The following DPP4 variants were observed in gnomAD, a reference collection of about 807,000 sequenced individuals.
The protein encoded by DPP4 is dipeptidyl peptidase 4, also known as ADCP-2.
Under a neutral mutation model 122.4 loss-of-function variants are expected in DPP4, and 93 were observed. The ratio of observed to expected loss-of-function variants is 0.76; its 90% CI spans 0.64 to 0.90. DPP4 has a LOEUF of 0.90. Ranked by LOEUF, DPP4 falls within the 40% of genes least tolerant of loss-of-function variation. The pLI is 0.00. For missense variants in DPP4, 914 were observed against 907.3 expected (o/e 1.01, Z -0.09); for synonymous variants, 321 against 302.9 (o/e 1.06, Z -0.62).
chr2:162,017,179 T>C (rs200437045), intron 16 of DPP4, 24 bp from the exon 17 acceptor site: 3 of 1,603,594 alleles, frequency 1.9e-6, no homozygotes, highest in South Asian at 2.2e-5. Context: ...GGGGGAAAAA[T>C]GTTTTGGATG....
At chr2:162,045,998 G>A (rs1422930087) in intron 4 of DPP4, among the ~76,000 whole-genome samples, 1 of 152,148 alleles carries the variant, frequency 6.6e-6, no homozygotes, top group Non-Finnish European at 1.5e-5. Context: ...CAGACAGAGT[G>A]GAAGGTGAGA....
At chr2:162,043,778 A>G (rs981905308) in intron 5 of DPP4, among the ~76,000 whole-genome samples, 13 of 152,214 alleles carry the variant, frequency 8.5e-5, no homozygotes, top group Non-Finnish European at 5.9e-5. Flanking sequence ...CTGTAATCCT[A>G]GCACTTGGGG....
rs773579455 is a variant in DPP4, at chr2:162,073,520, G to C, written c.7-34C>G. On this transcript the variant is annotated intron_variant, in intron 1 of 25. Coordinates refer to ENST00000360534, the MANE Select transcript of DPP4 (RefSeq NM_001935.4). Reference sequence around the variant, plus strand: ...CGAGCAGATCAAGTCCAATTAGAGGGAAGCGTGTGGCCCCAGTTTCCGTAG... The same window carrying C: ...CGAGCAGATCAAGTCCAATTAGAGGCAAGCGTGTGGCCCCAGTTTCCGTAG... The C allele has an allele frequency of 7.5e-6, 12 of 1,603,920 alleles. No individual in the cohort carries two copies. In the South Asian group the frequency reaches 7.7e-5, roughly 10 times the overall value.
In DPP4 at chr2:162,039,017, G is replaced by A. The variant is rs890894575; in HGVS notation, c.424C>T (p.Leu142=). 9.3e-6 allele frequency: 15 copies of A among 1,613,268 alleles called. No homozygotes were observed. Among genetic ancestry groups the A allele is most frequent in the South Asian group, 4.4e-5 (4 of 91,048 alleles). Residue 142 remains leucine (L), a synonymous_variant, in exon 7 of 26, where the codon CTG becomes TTG. Transcript: ENST00000360534. ...YDIYDLNKRQ[L]ITEERIPNNT... is the part of the protein sequence containing the mutation. The stretch of plus-strand genomic sequence containing the variant: ...TTTGGAATCCTCTCTTCTGTAATCA[G>A]CTGCCTGGAAAAAAGATGAAAGGAA...
chr2:162,021,784 A>G (rs1289614256), intron 12 of DPP4, among the ~76,000 whole-genome samples: 1 of 152,220 alleles, frequency 6.6e-6, no homozygotes, highest in African/African-American at 2.4e-5. Context: ...TACAGAGAGG[A>G]AAAAACATAT....
chr2:162,000,449 T>C (rs900697305), intron 23 of DPP4, among the ~76,000 whole-genome samples: 1 of 152,110 alleles, frequency 6.6e-6, no homozygotes, highest in African/African-American at 2.4e-5. Flanking sequence ...TCTTTAAAGA[T>C]CACACAGCAG....
intron 10 of DPP4, among the ~76,000 whole-genome samples, chr2:162,030,995 C>T (rs748964704): frequency 1.8e-4 from 27 of 152,274 alleles, no homozygotes; most frequent in Admixed American, 1.1e-3. Context: ...GCCTTGGAAA[C>T]GGATCTGTAA....
chr2:162,044,221 G>T (rs1684095300), intron 5 of DPP4, among the ~76,000 whole-genome samples: 2 of 152,186 alleles, frequency 1.3e-5, no homozygotes, highest in South Asian at 4.1e-4. Flanking sequence ...ATGTGTCAAA[G>T]TTGGTACAAG....
chr2:162,035,133 A>G (rs755259970), intron 9 of DPP4, 31 bp downstream of exon 9: 4 of 1,583,590 alleles, frequency 2.5e-6, no homozygotes, highest in Non-Finnish European at 3.4e-6. Flanking sequence ...CCATCAAATC[A>G]TGGAACCACT....
At chr2:162,053,559 G>T (rs1310111509) in intron 2 of DPP4, among the ~76,000 whole-genome samples, 2 of 152,220 alleles carry the variant, frequency 1.3e-5, no homozygotes, top group African/African-American at 4.8e-5. Flanking sequence ...TAGGGGAAAG[G>T]ACTATGTCAA....
At chr2:162,039,307 C>G in intron 5 of DPP4, 123 bp from the exon 6 acceptor site, 1 of 845,064 alleles carries the variant, frequency 1.2e-6, no homozygotes. Flanking sequence ...GTTATCATAT[C>G]TTATAATTTC....
At chr2:162,064,999 T>C (rs1320349170) in intron 2 of DPP4, among the ~76,000 whole-genome samples, 1 of 152,234 alleles carries the variant, frequency 6.6e-6, no homozygotes, top group Non-Finnish European at 1.5e-5. Context: ...TATGCCTACA[T>C]AGGCCGTCTC....
chr2:162,059,362 T>A (rs1684683480), intron 2 of DPP4, among the ~76,000 whole-genome samples: 1 of 152,192 alleles, frequency 6.6e-6, no homozygotes, highest in Non-Finnish European at 1.5e-5. Flanking sequence ...CTATGCCCCA[T>A]GAAATTGACT....
At chr2:162,059,637 A>T (rs1319469404) in intron 2 of DPP4, among the ~76,000 whole-genome samples, 1 of 152,160 alleles carries the variant, frequency 6.6e-6, no homozygotes, top group Non-Finnish European at 1.5e-5. Context: ...TCTAACACTG[A>T]CTCATTGAAG....
chr2:162,027,944 G>A (rs1467555469), intron 10 of DPP4, among the ~76,000 whole-genome samples: 2 of 151,994 alleles, frequency 1.3e-5, no homozygotes, highest in Non-Finnish European at 2.9e-5. Flanking sequence ...TGCTCAGCAA[G>A]GCAGTTCACC....
intron 20 of DPP4, 129 bp from the exon 21 acceptor site, chr2:162,009,424 G>A: frequency 1.4e-6 from 1 of 733,240 alleles, no homozygotes; most frequent in Non-Finnish European, 2.4e-6. Flanking sequence ...ATTGCTGCCA[G>A]TAATCAAATA....
At chr2:162,001,414 C>T (rs779308198) in intron 23 of DPP4, among the ~76,000 whole-genome samples, 5 of 152,170 alleles carry the variant, frequency 3.3e-5, no homozygotes, top group Non-Finnish European at 5.9e-5. Flanking sequence ...ATTCCTGGGG[C>T]TTCATAGTCA....
At chr2:161,995,623 C>A (rs1576029070) in intron 23 of DPP4, among the ~76,000 whole-genome samples, 1 of 152,202 alleles carries the variant, frequency 6.6e-6, no homozygotes, top group East Asian at 1.9e-4. Context: ...ACCTGCCACC[C>A]AGCCTGCATG....
intron 2 of DPP4, among the ~76,000 whole-genome samples, chr2:162,054,147 C>G (rs922617902): frequency 1.1e-4 from 16 of 152,318 alleles, no homozygotes; most frequent in African/African-American, 3.8e-4. Flanking sequence ...GTTGTTTACC[C>G]TGTTGGGCTT....
Sources: gnomAD v4.1 joint callset for allele counts (sites outside exome capture counted in the v4.1 genomes callset) on GRCh38, gnomAD v4.1.1 for gene constraint, MANE v1.5 for transcripts, NCBI Gene and HGNC (gene_info 2026-07-23, HGNC 2026-07-21) for gene names.